Variants in MSRB3 observed in about 807,000 individuals in gnomAD.
MSRB3 encodes methionine-R-sulfoxide reductase B3.
MSRB3 carries 13 observed loss-of-function variants against 21.0 expected under a neutral mutation model. The observed-to-expected ratio is 0.62, with a 90% CI of 0.40 to 0.98. The LOEUF is 0.98. Ranked by LOEUF, MSRB3 falls within the 50% of genes least tolerant of loss-of-function variation. The pLI is 0.00. For synonymous variants in MSRB3, 87 were observed against 88.6 expected (o/e 0.98, Z 0.10); for missense variants, 199 against 230.3 (o/e 0.86, Z 0.88).
At chr12:65,432,617 C>T (rs1881932818) in intron 5 of MSRB3, among the ~76,000 whole-genome samples, 1 of 151,860 alleles carries the variant, frequency 6.6e-6, no homozygotes, top group South Asian at 2.1e-4. Context: ...TACAGCCTGT[C>T]TCCCCATCCC....
At chr12:65,336,980 ACGC>A (rs1477343766) in intron 4 of MSRB3, among the ~76,000 whole-genome samples, 2 of 152,198 alleles carry the variant, frequency 1.3e-5, no homozygotes, top group African/African-American at 4.8e-5. Flanking sequence ...GCGGTGGCTC[ACGC>A]CTGTAATCTC....
chr12:65,352,512 A>T (rs1391911501), intron 4 of MSRB3, among the ~76,000 whole-genome samples: 2 of 151,622 alleles, frequency 1.3e-5, no homozygotes, highest in East Asian at 1.9e-4. Flanking sequence ...TAGGAAAAGA[A>T]GAAGTCAAAT....
intron 6 of MSRB3, among the ~76,000 whole-genome samples, chr12:65,462,498 A>G (rs1018753298): frequency 6.6e-6 from 1 of 152,158 alleles, no homozygotes; most frequent in Admixed American, 6.5e-5. Context: ...TTTTCTTTAT[A>G]TTAGAGTTCA....
At chr12:65,381,390 C>T (rs1299731995) in intron 5 of MSRB3, among the ~76,000 whole-genome samples, 1 of 152,124 alleles carries the variant, frequency 6.6e-6, no homozygotes, top group Non-Finnish European at 1.5e-5. Flanking sequence ...ATTGAGATAT[C>T]TTGCTCATTC....
At chr12:65,428,044 C>T (rs763295668) in intron 5 of MSRB3, among the ~76,000 whole-genome samples, 15 of 152,142 alleles carry the variant, frequency 9.9e-5, no homozygotes, top group Non-Finnish European at 2.1e-4. Flanking sequence ...GGCTTCTTTC[C>T]CAAAGCAGCT....
chr12:65,434,340 C>G (rs1253682773), intron 5 of MSRB3, among the ~76,000 whole-genome samples: 1 of 151,910 alleles, frequency 6.6e-6, no homozygotes, highest in Non-Finnish European at 1.5e-5. Flanking sequence ...CCGTCTACCT[C>G]TGTTCTAGAA....
intron 4 of MSRB3, among the ~76,000 whole-genome samples, chr12:65,348,093 G>A (rs1390989008): frequency 4.6e-5 from 7 of 152,160 alleles, no homozygotes; most frequent in Non-Finnish European, 1.0e-4. Context: ...GATGATGCTG[G>A]CCTCATAAAA....
intron 4 of MSRB3, among the ~76,000 whole-genome samples, chr12:65,367,182 T>C (rs1878060125): frequency 6.6e-6 from 1 of 152,184 alleles, no homozygotes; most frequent in South Asian, 2.1e-4. Flanking sequence ...TAGGATATAG[T>C]CTATACATCT....
chr12:65,341,544 T>TA (rs3080854), intron 4 of MSRB3, among the ~76,000 whole-genome samples: 164 of 148,406 alleles, frequency 1.1e-3, no homozygotes, highest in African/African-American at 2.1e-3. Flanking sequence ...AATTGTACAT[T>TA]AAAAAAAAAA....
intron 2 of MSRB3, 128 bp downstream of exon 2, chr12:65,308,783 G>T: frequency 7.9e-7 from 1 of 1,272,774 alleles, no homozygotes; most frequent in Non-Finnish European, 1.1e-6. Context: ...ATTTGAAGAC[G>T]GAAATTGGTT....
intron 4 of MSRB3, among the ~76,000 whole-genome samples, chr12:65,339,409 G>A (rs917315616): frequency 6.6e-6 from 1 of 152,208 alleles, no homozygotes; most frequent in Admixed American, 6.5e-5. Flanking sequence ...GGTAAATCTA[G>A]CTCTAAATCA....
chr12:65,412,426 G>A (rs1880764260), intron 5 of MSRB3, among the ~76,000 whole-genome samples: 1 of 152,122 alleles, frequency 6.6e-6, no homozygotes, highest in Admixed American at 6.6e-5. Context: ...GTATTCAAAG[G>A]AACTCAAGAC....
intron 5 of MSRB3, among the ~76,000 whole-genome samples, chr12:65,408,394 T>C (rs994398200): frequency 3.3e-5 from 5 of 152,122 alleles, no homozygotes; most frequent in Non-Finnish European, 5.9e-5. Context: ...GCCTTATCTT[T>C]TTTGTTGTTG....
At chr12:65,331,285 G>T (rs1324403128) in intron 4 of MSRB3, among the ~76,000 whole-genome samples, 1 of 152,188 alleles carries the variant, frequency 6.6e-6, no homozygotes, top group Non-Finnish European at 1.5e-5. Context: ...AGAGAGGATT[G>T]TGGTAATAAG....
chr12:65,326,895 C>A lies in MSRB3; in HGVS notation c.146C>A (p.Pro49His), dbSNP rs537929650. ...SQQELRKRLT[P>H]LQYHVTQEKG... Reference sequence around the variant, plus strand: ...CAGGAACTGAGGAAGCGGCTAACACCCCTGCAGTACCATGTCACTCAGGAG... The same window carrying A: ...CAGGAACTGAGGAAGCGGCTAACACACCTGCAGTACCATGTCACTCAGGAG... The change falls in exon 3 of 7, where the codon CCC becomes CAC. Residue 49 changes from proline (P) to histidine (H), a missense_variant. Transcript: ENST00000308259. 6.2e-7 allele frequency: 1 copy of A among 1,613,798 alleles called. No individual in the cohort carries two copies. Among genetic ancestry groups the A allele is most frequent in the Admixed American group, 1.7e-5 (1 of 59,980 alleles).
At chr12:65,286,452 A>G (rs1192800976) in intron 1 of MSRB3, 1 of 152,218 alleles carries the variant, frequency 6.6e-6, no homozygotes, top group Non-Finnish European at 1.5e-5. Flanking sequence ...ATACTTTTTA[A>G]AAATTATATT....
rs562655291 is a variant in MSRB3, at chr12:65,328,199, G to A, written c.186-327G>A. Among the ~76,000 whole-genome samples the A allele has an allele frequency of 1.3e-4, 20 of 151,946 alleles. 1 individual carries two copies. The South Asian group carries it at 4.1e-3, about 32-fold the overall frequency. On this transcript the variant is annotated intron_variant, in intron 3 of 6. Coordinates refer to ENST00000308259, the MANE Select transcript of MSRB3 (RefSeq NM_001031679.3). ...GGTATATACTCTTGCACACTGTAAA[G>A]TAGCAAAATCTTATGTAATGTTCTT...
chr12:65,442,736 C>CACTA (rs1175211333), intron 5 of MSRB3, among the ~76,000 whole-genome samples: 2 of 152,078 alleles, frequency 1.3e-5, no homozygotes, highest in Non-Finnish European at 2.9e-5. Context: ...ACTAGGTCAA[C>CACTA]ACTAAATTTG....
intron 5 of MSRB3, among the ~76,000 whole-genome samples, chr12:65,392,602 ATTG>A (rs1281592960): frequency 6.6e-6 from 1 of 152,118 alleles, no homozygotes; most frequent in Non-Finnish European, 1.5e-5. Context: ...TTTCTCAGTC[ATTG>A]TTGTCAGGAA....
Sources: allele counts gnomAD v4.1 joint callset (sites outside exome capture counted in the v4.1 genomes callset), GRCh38; gene constraint gnomAD v4.1.1; transcripts MANE v1.5; gene names NCBI Gene and HGNC (gene_info 2026-07-23, HGNC 2026-07-21).